PCDH9: variants seen among roughly 807,000 people sequenced by gnomAD.
PCDH9 encodes the protein protocadherin-9.
A neutral mutation model predicts 70.6 loss-of-function variants in PCDH9; 24 were observed. The ratio of observed to expected loss-of-function variants is 0.34; its 90% CI spans 0.25 to 0.48. The LOEUF (loss-of-function observed/expected upper bound fraction) is 0.48. Among genes scored for constraint, PCDH9 ranks in the 20% least tolerant of loss-of-function variants. The probability of loss-of-function intolerance (pLI) is 0.99; values close to 1 mark genes in which losing one functional copy is unlikely to be tolerated. For synonymous variants in PCDH9, 562 were observed against 558.5 expected, an observed-to-expected ratio of 1.01 and a Z score of -0.09; for missense variants, 1,281 against 1,503.6, an observed-to-expected ratio of 0.85 and a Z score of 2.45.
intron 3 of PCDH9, among the ~76,000 whole-genome samples, chr13:66,769,407 G>A (rs146300030): frequency 6.6e-6 from 1 of 151,852 alleles, no homozygotes; most frequent in Non-Finnish European, 1.5e-5. Flanking sequence ...TACAATGAAA[G>A]TAGGGTTCAT....
At chr13:67,112,097 C>A (rs1326235857) in intron 2 of PCDH9, among the ~76,000 whole-genome samples, 1 of 152,150 alleles carries the variant, frequency 6.6e-6, no homozygotes, top group Non-Finnish European at 1.5e-5. Flanking sequence ...CACTTGAGTT[C>A]CGACTGACTT....
intron 2 of PCDH9, among the ~76,000 whole-genome samples, chr13:67,017,260 T>G (rs1216311954): frequency 6.6e-6 from 1 of 152,238 alleles, no homozygotes; most frequent in Non-Finnish European, 1.5e-5. Flanking sequence ...AATGTGGCTA[T>G]GTATAAACCA....
chr13:66,566,899 C>T (rs986560533), intron 4 of PCDH9, among the ~76,000 whole-genome samples: 32 of 151,962 alleles, frequency 2.1e-4, no homozygotes, highest in African/African-American at 6.0e-4. Flanking sequence ...ACTATTTTGA[C>T]ATTGCACTGT....
At chr13:66,529,845 T>C (rs908031380) in intron 4 of PCDH9, among the ~76,000 whole-genome samples, 4 of 151,540 alleles carry the variant, frequency 2.6e-5, no homozygotes, top group Non-Finnish European at 4.4e-5. Flanking sequence ...CAAGATAGTA[T>C]TGTGTACTAG....
chr13:66,428,611 A>T (rs1333630932), intron 4 of PCDH9, among the ~76,000 whole-genome samples: 1 of 151,798 alleles, frequency 6.6e-6, no homozygotes, highest in African/African-American at 2.4e-5. Context: ...TTTATAAATC[A>T]GGGAAAATAA....
intron 2 of PCDH9, among the ~76,000 whole-genome samples, chr13:67,044,915 T>C (rs2085193607): frequency 6.6e-6 from 1 of 152,180 alleles, no homozygotes; most frequent in Non-Finnish European, 1.5e-5. Flanking sequence ...TTGTGGATTA[T>C]CTGGTGCAAA....
intron 2 of PCDH9, among the ~76,000 whole-genome samples, chr13:67,136,584 A>C (rs2087237736): frequency 6.6e-6 from 1 of 152,132 alleles, no homozygotes; most frequent in South Asian, 2.1e-4. Context: ...AATTGTACTC[A>C]CTGGAAATAT....
chr13:66,906,887 C>T (rs1170265278), intron 2 of PCDH9, among the ~76,000 whole-genome samples: 1 of 152,042 alleles, frequency 6.6e-6, no homozygotes, highest in East Asian at 1.9e-4. Flanking sequence ...GGGAGAGTTG[C>T]AGCATTTTCT....
At chr13:66,595,051 G>GCA (rs1223019053) in intron 4 of PCDH9, among the ~76,000 whole-genome samples, 7 of 148,978 alleles carry the variant, frequency 4.7e-5, no homozygotes, top group East Asian at 3.9e-4. Flanking sequence ...TAAAATAAGT[G>GCA]CACACACACA....
chr13:67,013,316 C>G (rs1194567485), intron 2 of PCDH9, among the ~76,000 whole-genome samples: 1 of 149,366 alleles, frequency 6.7e-6, no homozygotes, highest in Admixed American at 6.7e-5. Flanking sequence ...CATATTTCCC[C>G]TTCCTGAAAT....
intron 4 of PCDH9, among the ~76,000 whole-genome samples, chr13:66,590,083 C>G (rs772458179): frequency 6.6e-6 from 1 of 151,940 alleles, no homozygotes; most frequent in Non-Finnish European, 1.5e-5. Context: ...TTTGTGCACA[C>G]AAAGTTTCAT....
chr13:66,816,374 G>T (rs2080604954), intron 3 of PCDH9, among the ~76,000 whole-genome samples: 1 of 152,166 alleles, frequency 6.6e-6, no homozygotes, highest in East Asian at 1.9e-4. Context: ...ATGATCAATT[G>T]ATAATATAGC....
chr13:67,205,853 A>T (rs988049873), intron 2 of PCDH9: 1 of 152,208 alleles, frequency 6.6e-6, no homozygotes, highest in Admixed American at 6.5e-5. Context: ...ATTTAATTTT[A>T]CTATATAACT....
intron 3 of PCDH9, among the ~76,000 whole-genome samples, chr13:66,836,831 T>C (rs2139420205): frequency 6.6e-6 from 1 of 152,290 alleles, no homozygotes; most frequent in African/African-American, 2.4e-5. Flanking sequence ...GAATTCCAGA[T>C]CTCTGATGTA....
At chr13:67,083,030 A>G (rs2086017589) in intron 2 of PCDH9, among the ~76,000 whole-genome samples, 1 of 152,170 alleles carries the variant, frequency 6.6e-6, no homozygotes, top group Non-Finnish European at 1.5e-5. Flanking sequence ...TTATGAAGCT[A>G]AAATAAAATT....
At chr13:66,782,080 A>G (rs1042442927) in intron 3 of PCDH9, among the ~76,000 whole-genome samples, 3 of 152,096 alleles carry the variant, frequency 2.0e-5, no homozygotes, top group Admixed American at 1.3e-4. Flanking sequence ...TAATTTTTCT[A>G]TCATGAACCT....
At chr13:66,953,855 G>A (rs901823089) in intron 2 of PCDH9, among the ~76,000 whole-genome samples, 2 of 152,184 alleles carry the variant, frequency 1.3e-5, no homozygotes, top group African/African-American at 4.8e-5. Flanking sequence ...AGAAGACCAA[G>A]AAGATCATAC....
chr13:67,016,540 C>G (rs1465953423), intron 2 of PCDH9, among the ~76,000 whole-genome samples: 1 of 152,160 alleles, frequency 6.6e-6, no homozygotes, highest in African/African-American at 2.4e-5. Flanking sequence ...TCCCAATCAT[C>G]TTGCCAATTT....
chr13:66,547,983 AG>A (rs1961291681), intron 4 of PCDH9, among the ~76,000 whole-genome samples: 2 of 149,200 alleles, frequency 1.3e-5, no homozygotes, highest in Admixed American at 1.3e-4. Context: ...TGAGATGTAT[AG>A]AAGCTTTTTG....
Sources: gnomAD v4.1 joint callset for allele counts (sites outside exome capture counted in the v4.1 genomes callset) on GRCh38, gnomAD v4.1.1 for gene constraint, MANE v1.5 for transcripts, NCBI Gene and HGNC (gene_info 2026-07-23, HGNC 2026-07-21) for gene names.